The following EDIL3 variants were observed in gnomAD, a reference collection of about 807,000 sequenced individuals.
EDIL3 encodes the protein EGF-like repeat and discoidin I-like domain-containing protein 3.
Under a neutral mutation model 67.4 loss-of-function variants are expected in EDIL3, and 37 were observed. The observed-to-expected ratio is 0.55, with a 90% CI of 0.42 to 0.72. The LOEUF is 0.72. EDIL3 is among the 30% of genes least tolerant of loss of function. The pLI is 0.00. For synonymous variants in EDIL3, 195 were observed against 196.3 expected (o/e 0.99, Z 0.05); for missense variants, 527 against 586.3 (o/e 0.90, Z 1.04).
chr5:83,995,524 T>C (rs567174033), intron 9 of EDIL3, among the ~76,000 whole-genome samples: 12 of 152,274 alleles, frequency 7.9e-5, no homozygotes, highest in African/African-American at 2.6e-4. Flanking sequence ...ATATTGAATC[T>C]AGGAAGCTGA....
intron 6 of EDIL3, among the ~76,000 whole-genome samples, chr5:84,100,794 T>C (rs928156384): frequency 5.3e-5 from 8 of 152,144 alleles, no homozygotes; most frequent in African/African-American, 1.9e-4. Context: ...TGTTTTTCAA[T>C]AAATACACCA....
chr5:84,310,800 T>C (rs1746371744), intron 1 of EDIL3, among the ~76,000 whole-genome samples: 1 of 152,164 alleles, frequency 6.6e-6, no homozygotes, highest in Non-Finnish European at 1.5e-5. Context: ...TGTGTACATA[T>C]CTATGTACCC....
chr5:84,120,688 G>A (rs1561437333), intron 5 of EDIL3, among the ~76,000 whole-genome samples: 1 of 151,966 alleles, frequency 6.6e-6, no homozygotes. Context: ...CTGACTGGAA[G>A]ACAGCATTTT....
intron 9 of EDIL3, among the ~76,000 whole-genome samples, chr5:84,041,711 T>C (rs201728518): frequency 3.4e-4 from 50 of 146,000 alleles, no homozygotes; most frequent in Non-Finnish European, 4.9e-4. Flanking sequence ...TATATATATA[T>C]AGATATATAT....
rs532051224 is a variant in EDIL3 at position 84,264,626 on chromosome 5, C to T, written c.68-10414G>A. On this transcript the variant is annotated intron_variant, in intron 1 of 10. Transcript: ENST00000296591. ...AAAATACACAATATAGCTTACTGAA[C>T]TTTACGCTTTTAGATAATATATTTT... Among the ~76,000 whole-genome samples, 57 of 152,162 alleles carry T rather than the reference C, an allele frequency of 3.7e-4. 1 individual carries two copies. Among genetic ancestry groups the T allele is most frequent in the Admixed American group, 5.2e-4 (8 of 15,270 alleles).
chr5:84,348,805 T>A (rs990310014), intron 1 of EDIL3, among the ~76,000 whole-genome samples: 3 of 152,126 alleles, frequency 2.0e-5, no homozygotes, highest in African/African-American at 7.2e-5. Context: ...TCAAACTATT[T>A]AAAGTACCAT....
chr5:84,044,226 A>T (rs1019967636), intron 9 of EDIL3, among the ~76,000 whole-genome samples: 7 of 152,036 alleles, frequency 4.6e-5, no homozygotes, highest in Admixed American at 1.3e-4. Context: ...GTTAAAAAGC[A>T]CTCCATGAAA....
intron 9 of EDIL3, among the ~76,000 whole-genome samples, chr5:84,012,957 A>G (rs1239016553): frequency 6.6e-6 from 1 of 151,996 alleles, no homozygotes; most frequent in Non-Finnish European, 1.5e-5. Context: ...TATTGTGTTC[A>G]GATAAAATGT....
At chr5:84,162,135 C>A (rs1748623153) in intron 4 of EDIL3, among the ~76,000 whole-genome samples, 1 of 152,014 alleles carries the variant, frequency 6.6e-6, no homozygotes, top group Admixed American at 6.6e-5. Context: ...TCACATGGGG[C>A]CTAGAAGTAT....
At chr5:84,097,742 T>C (rs1206446320) in intron 6 of EDIL3, among the ~76,000 whole-genome samples, 1 of 151,928 alleles carries the variant, frequency 6.6e-6, no homozygotes, top group Non-Finnish European at 1.5e-5. Flanking sequence ...CATAAACACA[T>C]ATATATAAAT....
chr5:83,980,296 G>A (rs1450920101), intron 9 of EDIL3, among the ~76,000 whole-genome samples: 1 of 151,328 alleles, frequency 6.6e-6, no homozygotes, highest in Non-Finnish European at 1.5e-5. Context: ...CATTTATAGA[G>A]TATTGTTTAT....
intron 9 of EDIL3, among the ~76,000 whole-genome samples, chr5:84,029,054 G>A (rs1036324167): frequency 6.6e-6 from 1 of 152,062 alleles, no homozygotes; most frequent in Non-Finnish European, 1.5e-5. Context: ...TCAGGAGATC[G>A]AGACCATCCT....
chr5:84,039,819 TAATAA>T (rs567570337), intron 9 of EDIL3, among the ~76,000 whole-genome samples: 69 of 151,962 alleles, frequency 4.5e-4, no homozygotes, highest in Non-Finnish European at 8.2e-4. Flanking sequence ...AGTATAATAA[TAATAA>T]AATAAAATAA....
In EDIL3 at chr5:84,137,184, TACACACAC is replaced by T. The variant is rs70975542; in HGVS notation, c.469+49_469+56del. On this transcript the variant is annotated intron_variant, in intron 5 of 10. Transcript: ENST00000296591. ...ATACATATATGTGTGTGTGTATACA[TACACACAC>T]ACACACACACACACACACACACACA... is the stretch of plus-strand genomic sequence containing the variant. 4,940 of 901,030 alleles carry T rather than the reference TACACACAC, an allele frequency of 5.5e-3. 48 individuals are homozygous for T. The highest frequency in any genetic ancestry group is 0.043 in the African/African-American group (2,489 of 57,870). 55.8% of individuals were successfully genotyped at this position (901,030 alleles called of 1,614,324 possible).
intron 1 of EDIL3, among the ~76,000 whole-genome samples, chr5:84,317,207 A>C (rs900100992): frequency 2.0e-5 from 3 of 152,168 alleles, no homozygotes; most frequent in African/African-American, 7.2e-5. Context: ...AGAACTAGAA[A>C]ATCAAGAGCA....
intron 8 of EDIL3, among the ~76,000 whole-genome samples, chr5:84,061,168 T>C (rs1263483599): frequency 6.6e-6 from 1 of 152,158 alleles, no homozygotes; most frequent in African/African-American, 2.4e-5. Context: ...TAACCACCAC[T>C]GAACAAACCT....
intron 9 of EDIL3, among the ~76,000 whole-genome samples, chr5:83,977,892 G>A (rs190526136): frequency 1.3e-3 from 198 of 151,882 alleles, no homozygotes; most frequent in Non-Finnish European, 2.0e-3. Flanking sequence ...ATGAATAACA[G>A]ATTTCCTATT....
intron 6 of EDIL3, among the ~76,000 whole-genome samples, chr5:84,067,191 G>T (rs1481371739): frequency 2.0e-5 from 3 of 152,000 alleles, no homozygotes; most frequent in Non-Finnish European, 4.4e-5. Context: ...TTAAATGATT[G>T]CTTTTTTCTT....
intron 1 of EDIL3, among the ~76,000 whole-genome samples, chr5:84,293,465 A>C (rs1000201791): frequency 6.6e-6 from 1 of 150,644 alleles, no homozygotes; most frequent in African/African-American, 2.5e-5. Context: ...CTACAGCTTA[A>C]CCTGCGAGTA....
Sources: gnomAD v4.1 joint callset for allele counts (sites outside exome capture counted in the v4.1 genomes callset) on GRCh38, gnomAD v4.1.1 for gene constraint, MANE v1.5 for transcripts, NCBI Gene and HGNC (gene_info 2026-07-23, HGNC 2026-07-21) for gene names.